PHF14: variants seen among roughly 807,000 people sequenced by gnomAD.
PHF14 encodes the protein PHD finger protein 14.
In PHF14, 55 loss-of-function variants were observed where a neutral mutation model predicts 117.9. That is an observed-to-expected ratio of 0.47 (90% CI 0.38 to 0.58). The LOEUF is 0.58. PHF14 is among the 20% of genes least tolerant of loss of function. PHF14 has a pLI of 0.00. For synonymous variants in PHF14, 409 were observed against 368.6 expected (o/e 1.11, Z -1.26); for missense variants, 978 against 1,122.2 (o/e 0.87, Z 1.84).
At chr7:11,019,422 G>A (rs1017202510) in intron 5 of PHF14, among the ~76,000 whole-genome samples, 2 of 152,108 alleles carry the variant, frequency 1.3e-5, no homozygotes, top group African/African-American at 4.8e-5. Flanking sequence ...CTCGTTACTT[G>A]TTATTGGTCT....
rs192330374 is a variant in PHF14, at chr7:10,992,603, C to A, written c.1045+1756C>A. ...ACTGGAACCCAGGAGGTGGAGGTTG[C>A]AGTGAGCCGAGATGGTGCCACTGTA... is the stretch of plus-strand genomic sequence containing the variant. On this transcript the variant is annotated intron_variant, in intron 4 of 17. Transcript: ENST00000634607. Among the ~76,000 whole-genome samples the A allele has an allele frequency of 5.4e-3, 826 of 152,066 alleles. 7 individuals carry two copies. The highest frequency in any genetic ancestry group is 0.019 in the African/African-American group (787 of 41,498).
chr7:11,063,405 G>A lies in PHF14; in HGVS notation c.2654+1320G>A, dbSNP rs139733669. ...ATAAGCGTAACATAATGGAGTAAAT[G>A]AAACAATAAAAATAAAGAAAAAAAA... On this transcript the variant is annotated intron_variant, in intron 16 of 17. Transcript: ENST00000634607. The A allele has an allele frequency of 4.5e-4, 436 of 976,124 alleles. 1 individual carries two copies. The African/African-American group carries it at 7.3e-3, about 16-fold the overall frequency. The allele number at this position is 976,124 out of a possible 1,614,324, so 60.5% of individuals were successfully genotyped here.
At chr7:11,047,160 C>T (rs1395147734) in intron 13 of PHF14, among the ~76,000 whole-genome samples, 1 of 151,968 alleles carries the variant, frequency 6.6e-6, no homozygotes, top group Non-Finnish European at 1.5e-5. Flanking sequence ...CTTCTGCCTC[C>T]TGGGTGCAAG....
In PHF14 at chr7:11,029,599, C is replaced by T. The variant is rs893632825; in HGVS notation, c.1455+781C>T. Among the ~76,000 whole-genome samples, 4 of 151,964 alleles carry T rather than the reference C, an allele frequency of 2.6e-5. No individual in the cohort carries two copies. The East Asian group carries it at 5.8e-4, about 22-fold the overall frequency. On this transcript the variant is annotated intron_variant, in intron 7 of 17. Coordinates refer to ENST00000634607, the MANE Select transcript of PHF14 (RefSeq NM_001007157.2). ...TTGTATTTAGTAAAAGTGTATACTTCGGTAATGGACCCATTATTTAAAATA... is the reference window on the plus strand; with the variant it reads ...TTGTATTTAGTAAAAGTGTATACTTTGGTAATGGACCCATTATTTAAAATA...
intron 6 of PHF14, 141 bp from the exon 7 acceptor site, chr7:11,028,540 G>C: frequency 2.8e-6 from 2 of 719,618 alleles, no homozygotes; most frequent in Admixed American, 6.2e-5. Flanking sequence ...GCTCGCCTAT[G>C]ATTATTGTTT....
In PHF14 at chr7:11,104,820, T is replaced by G. The variant is rs77629149; in HGVS notation, c.2655-6530T>G. 3.2e-3 allele frequency: 2,431 copies of G among 752,734 alleles called. 38 individuals carry two copies. The African/African-American group carries it at 0.043, about 13-fold the overall frequency. 46.6% of individuals were successfully genotyped at this position (752,734 alleles called of 1,614,324 possible). A position where few individuals can be genotyped will look rare whatever the true frequency, so the allele number is the denominator to read the frequency against. ...TTTGCATTTCTAACAAGTTCCCAGC[T>G]GATGCTGATGCTACTGGCCTGGAAC... On this transcript the variant is annotated intron_variant, in intron 16 of 17. Transcript: ENST00000634607.
intron 16 of PHF14, among the ~76,000 whole-genome samples, chr7:11,084,981 T>C (rs1481724377): frequency 1.3e-5 from 2 of 152,158 alleles, no homozygotes; most frequent in East Asian, 1.9e-4. Flanking sequence ...ATATTTTCTT[T>C]AAGGTTGTTG....
intron 17 of PHF14, among the ~76,000 whole-genome samples, chr7:11,122,547 C>A (rs1262223719): frequency 1.3e-5 from 2 of 150,584 alleles, no homozygotes; most frequent in Admixed American, 1.3e-4. Context: ...TCCCTTTCTA[C>A]CCCCTGCTGT....
intron 17 of PHF14, among the ~76,000 whole-genome samples, chr7:11,152,204 A>G (rs187636040): frequency 1.1e-3 from 164 of 152,292 alleles, no homozygotes; most frequent in African/African-American, 3.8e-3. Flanking sequence ...TTGGAAAAGT[A>G]TGTGAAGCTT....
rs541718135 is a variant in PHF14 at position 11,047,290 on chromosome 7, G to C, written c.2313-4322G>C. Among the ~76,000 whole-genome samples the C allele has an allele frequency of 7.9e-5, 12 of 151,922 alleles. 1 individual carries two copies. In the South Asian group the frequency reaches 2.5e-3, roughly 32 times the overall value. ...TCACCGTGTTAGCCAGAATGGTCTC[G>C]ATCTCCTGACCTCATGATCCGCCTG... is the stretch of plus-strand genomic sequence containing the variant. On this transcript the variant is annotated intron_variant, in intron 13 of 17. Coordinates refer to ENST00000634607, the MANE Select transcript of PHF14 (RefSeq NM_001007157.2).
At chr7:11,137,590 C>CTTTTT (rs5882293) in intron 17 of PHF14, among the ~76,000 whole-genome samples, 67 of 93,948 alleles carry the variant, frequency 7.1e-4, no homozygotes, top group Middle Eastern at 9.1e-3. Context: ...CTTAAAAATT[C>CTTTTT]TTTTTTTTTT....
chr7:11,129,915 T>A (rs1788045924), intron 17 of PHF14, among the ~76,000 whole-genome samples: 1 of 151,924 alleles, frequency 6.6e-6, no homozygotes. Context: ...CAAAAAGAGA[T>A]TGGCAAAAAA....
chr7:11,022,459 T>G (rs751309745), intron 5 of PHF14, among the ~76,000 whole-genome samples: 8 of 152,296 alleles, frequency 5.3e-5, no homozygotes, highest in Middle Eastern at 3.4e-3. Flanking sequence ...AGTTATTAAA[T>G]TAGTATCCTT....
intron 7 of PHF14, 179 bp from the exon 8 acceptor site, chr7:11,035,456 TACAAG>T (rs1235937515): frequency 2.8e-6 from 1 of 361,090 alleles, no homozygotes; most frequent in African/African-American, 2.1e-5. Flanking sequence ...GAAGTTGACA[TACAAG>T]ATCAAGTTTC....
At chr7:11,025,790 G>A (rs1309558131) in intron 6 of PHF14, among the ~76,000 whole-genome samples, 2 of 149,520 alleles carry the variant, frequency 1.3e-5, no homozygotes, top group Non-Finnish European at 3.0e-5. Flanking sequence ...GCGAGACTCC[G>A]TCTCAAAAAA....
chr7:11,111,643 A>G (rs1296348245), intron 17 of PHF14, among the ~76,000 whole-genome samples, 176 bp downstream of exon 17: 1 of 152,128 alleles, frequency 6.6e-6, no homozygotes, highest in African/African-American at 2.4e-5. Context: ...TAAGGAAAAA[A>G]CAACTCTACT....
chr7:11,059,240 GTAAA>G (rs1200272556), intron 14 of PHF14, among the ~76,000 whole-genome samples: 3 of 152,056 alleles, frequency 2.0e-5, no homozygotes, highest in Non-Finnish European at 2.9e-5. Flanking sequence ...TATCAAAATG[GTAAA>G]TAAACATCCT....
chr7:11,079,617 A>G (rs1328912245), intron 16 of PHF14, among the ~76,000 whole-genome samples: 2 of 152,140 alleles, frequency 1.3e-5, no homozygotes, highest in Admixed American at 1.3e-4. Flanking sequence ...AAAGAAACCA[A>G]AGTTAGGATA....
intron 16 of PHF14, among the ~76,000 whole-genome samples, chr7:11,068,114 G>A (rs1055376290): frequency 6.6e-6 from 1 of 152,080 alleles, no homozygotes; most frequent in African/African-American, 2.4e-5. Context: ...ACTTCGGAAG[G>A]CCAAGGCAGG....
Sources: gnomAD v4.1 joint callset for allele counts (sites outside exome capture counted in the v4.1 genomes callset) on GRCh38, gnomAD v4.1.1 for gene constraint, MANE v1.5 for transcripts, NCBI Gene and HGNC (gene_info 2026-07-23, HGNC 2026-07-21) for gene names.